Variants in PFKFB3 observed in about 807,000 individuals in gnomAD.
PFKFB3 encodes the protein 6-phosphofructo-2-kinase/fructose-2,6-biphosphatase 3, also known as 6-phosphofructo-2-kinase/fructose-2,6-bisphosphatase 3.
Under a neutral mutation model 68.0 loss-of-function variants are expected in PFKFB3, and 33 were observed. That is an observed-to-expected ratio of 0.49 (90% confidence interval 0.37 to 0.65). PFKFB3 has a LOEUF of 0.65. PFKFB3 is among the 30% of genes least tolerant of loss of function. The pLI is 0.00. For missense variants in PFKFB3, 586 were observed against 712.2 expected, an observed-to-expected ratio of 0.82 and a Z score of 2.02; for synonymous variants, 315 against 288.2, an observed-to-expected ratio of 1.09 and a Z score of -0.94.
chr10:6,191,819 C>T (rs912428194), intron 1 of PFKFB3, among the ~76,000 whole-genome samples: 4 of 152,178 alleles, frequency 2.6e-5, no homozygotes, highest in East Asian at 1.9e-4. Context: ...CCCGCGCCTT[C>T]GTCAGTGGCT....
chr10:6,204,075 C>T (rs619797), intron 1 of PFKFB3, among the ~76,000 whole-genome samples: 145,138 of 152,206 alleles, frequency 0.95, 69,545 homozygotes, highest in East Asian at 1. Context: ...GCGCACGCAC[C>T]CCCCGGTGCT....
upstream of PFKFB3, among the ~76,000 whole-genome samples, chr10:6,199,242 A>G (rs1843254800): frequency 6.6e-6 from 1 of 152,214 alleles, no homozygotes; most frequent in African/African-American, 2.4e-5. Context: ...GGCAGCGGGT[A>G]GGTCCTAGCT....
At chr10:6,216,658 A>T in intron 4 of PFKFB3, 48 bp from the exon 5 acceptor site, 2 of 1,299,484 alleles carry the variant, frequency 1.5e-6, no homozygotes, top group Non-Finnish European at 2.2e-6. Context: ...AAACGTTGTT[A>T]AACTCAAACT....
intron 1 of PFKFB3, among the ~76,000 whole-genome samples, chr10:6,167,251 C>G (rs1218443622): frequency 1.3e-5 from 2 of 152,256 alleles, no homozygotes; most frequent in Non-Finnish European, 2.9e-5. Flanking sequence ...GAGTACGTTT[C>G]AGCCCTCCAG....
At chr10:6,248,797 A>G (rs779306962) in intron 14 of PFKFB3, among the ~76,000 whole-genome samples, 3 of 152,216 alleles carry the variant, frequency 2.0e-5, no homozygotes, top group Admixed American at 1.3e-4. Flanking sequence ...TAAAACCACA[A>G]TGAGATTTTT....
chr10:6,161,606 A>G (rs1168304400), intron 1 of PFKFB3, among the ~76,000 whole-genome samples: 1 of 146,648 alleles, frequency 6.8e-6, no homozygotes, highest in African/African-American at 2.5e-5. Flanking sequence ...ACACACACAC[A>G]TATATATACA....
At chr10:6,265,632 T>C in the PFKFB3 span, among the ~76,000 whole-genome samples, 1 of 152,280 alleles carries the variant, frequency 6.6e-6, no homozygotes, top group Admixed American at 6.5e-5. Context: ...GCCCAAGGTA[T>C]TGTTCAATTT....
intron 14 of PFKFB3, among the ~76,000 whole-genome samples, chr10:6,249,762 T>TGA (rs1356776029): frequency 1.8e-4 from 28 of 152,040 alleles, no homozygotes; most frequent in South Asian, 1.7e-3. Context: ...TGTGTGTGTG[T>TGA]GATATTGTAC....
chr10:6,215,680 A>G lies in PFKFB3; in HGVS notation c.299+363A>G, dbSNP rs74114569. On this transcript the variant is annotated intron_variant, in intron 3 of 14. Coordinates refer to ENST00000379775, the MANE Select transcript of PFKFB3 (RefSeq NM_004566.4). This position sits in a 1 kb window ranked among gnomAD's most constrained non-coding sequence, Gnocchi z 4.3. The stretch of plus-strand genomic sequence containing the variant: ...CACTGAGAATTAGCAAGTCCTGTTC[A>G]TCGGGAGTGTCTGTTTATGTTTGGA... 0.02 allele frequency among the ~76,000 whole-genome samples: 3,054 copies of G among 152,284 alleles called. 124 individuals are homozygous for G. The highest frequency in any genetic ancestry group is 0.07 in the African/African-American group (2,888 of 41,536).
At chr10:6,321,821 A>G in the PFKFB3 span, among the ~76,000 whole-genome samples, 1 of 152,118 alleles carries the variant, frequency 6.6e-6, no homozygotes. Context: ...CTGCAGTGCA[A>G]CCCTGTAGGC....
rs781126806 is a variant in PFKFB3 at position 6,216,695 on chromosome 10, C to G, written c.367-11C>G. On this transcript the variant is annotated splice_polypyrimidine_tract_variant and intron_variant, in intron 4 of 14. Coordinates refer to ENST00000379775, the MANE Select transcript of PFKFB3 (RefSeq NM_004566.4). ...AGAGTTTTCTTCCTGGCCCTTTGCT[C>G]TCCATATCAGGTTTTCGATGCCACC... 3 of 1,591,452 alleles carry G rather than the reference C, an allele frequency of 1.9e-6. No individual in the cohort carries two copies. The highest frequency in any genetic ancestry group is 1.7e-4 in the Middle Eastern group (1 of 6,028).
intron 1 of PFKFB3, among the ~76,000 whole-genome samples, chr10:6,145,774 C>T (rs1425682511): frequency 1.3e-5 from 2 of 152,206 alleles, no homozygotes; most frequent in Non-Finnish European, 2.9e-5. Flanking sequence ...CGCGGCCCGG[C>T]CCCTCCTGCA....
downstream of PFKFB3, among the ~76,000 whole-genome samples, chr10:6,240,507 G>A (rs977762184): frequency 1.3e-5 from 2 of 152,050 alleles, no homozygotes; most frequent in Non-Finnish European, 1.5e-5. Context: ...CAGGTGATCC[G>A]CCCGCCTCAG....
chr10:6,184,108 A>C (rs938516419), intron 1 of PFKFB3, among the ~76,000 whole-genome samples: 1 of 151,864 alleles, frequency 6.6e-6, no homozygotes, highest in African/African-American at 2.4e-5. Flanking sequence ...ACTGGAGTGC[A>C]GTGGTGCCAT....
At chr10:6,294,968 T>G in the PFKFB3 span, among the ~76,000 whole-genome samples, 1 of 151,364 alleles carries the variant, frequency 6.6e-6, no homozygotes, top group Admixed American at 6.6e-5. Flanking sequence ...GAAGGTGTTT[T>G]TTTTTTGTTT....
chr10:6,226,461 G>A (rs924992218), intron 14 of PFKFB3, 96 bp downstream of exon 14: 86 of 1,174,180 alleles, frequency 7.3e-5, no homozygotes, highest in East Asian at 2.4e-4. Context: ...GCAAGAATAC[G>A]TGCGTGGGTG....
chr10:6,188,389 G>A (rs1200827457), intron 1 of PFKFB3, among the ~76,000 whole-genome samples: 11 of 151,120 alleles, frequency 7.3e-5, no homozygotes, highest in Admixed American at 6.6e-4. Flanking sequence ...CTTTCATCTA[G>A]TGTGTCCTCA....
chr10:6,232,131 CAT>C (rs768861602), intron 14 of PFKFB3, among the ~76,000 whole-genome samples: 2 of 152,050 alleles, frequency 1.3e-5, no homozygotes, highest in Non-Finnish European at 2.9e-5. Flanking sequence ...TAGTTTTAAA[CAT>C]TGTGTGTTTT....
chr10:6,307,557 C>T, the PFKFB3 span, among the ~76,000 whole-genome samples: 4 of 150,196 alleles, frequency 2.7e-5, no homozygotes, highest in African/African-American at 9.8e-5. Context: ...TTCCTTCCTT[C>T]CTTCCTTCCT....
Sources: gnomAD v4.1 joint callset for allele counts (sites outside exome capture counted in the v4.1 genomes callset) on GRCh38, gnomAD v4.1.1 for gene constraint, Gnocchi (gnomAD v3.1) non-coding constraint, MANE v1.5 for transcripts, NCBI Gene and HGNC (gene_info 2026-07-23, HGNC 2026-07-21) for gene names.